Variants in REDIC1 observed in about 807,000 individuals in gnomAD.
The protein encoded by REDIC1 is HEI10 Interacting Protein 1.
chr12:39,709,962 T>C, the REDIC1 span, among the ~76,000 whole-genome samples: 2 of 151,882 alleles, frequency 1.3e-5, no homozygotes, highest in Non-Finnish European at 1.5e-5. Flanking sequence ...ATTCCAGTTT[T>C]TCTACATCCT....
At chr12:39,732,125 C>T in the REDIC1 span, among the ~76,000 whole-genome samples, 2 of 152,194 alleles carry the variant, frequency 1.3e-5, no homozygotes, top group Non-Finnish European at 2.9e-5. Context: ...CCTAGACACT[C>T]AAGTTTAATT....
the REDIC1 span, among the ~76,000 whole-genome samples, chr12:39,811,079 A>AT: frequency 1.3e-5 from 2 of 151,988 alleles, no homozygotes; most frequent in Non-Finnish European, 2.9e-5. Context: ...TACAAATTTG[A>AT]TTTTTTAAAT....
the REDIC1 span, among the ~76,000 whole-genome samples, chr12:39,889,680 C>A: frequency 2.4e-3 from 361 of 151,724 alleles, 2 homozygotes; most frequent in African/African-American, 8.2e-3. Flanking sequence ...CTACAGGTGC[C>A]CACCACCACG....
chr12:39,796,284 A>T, the REDIC1 span, among the ~76,000 whole-genome samples: 13 of 152,072 alleles, frequency 8.5e-5, no homozygotes, highest in Non-Finnish European at 1.8e-4. Context: ...TTACCATTGG[A>T]ATGTGGGCAG....
At chr12:39,787,909 G>C in the REDIC1 span, among the ~76,000 whole-genome samples, 3 of 152,118 alleles carry the variant, frequency 2.0e-5, no homozygotes, top group South Asian at 6.2e-4. Flanking sequence ...TTGATGAAAA[G>C]AGCAGTATTG....
the REDIC1 span, among the ~76,000 whole-genome samples, chr12:39,668,057 C>T: frequency 6.6e-6 from 1 of 151,666 alleles, no homozygotes; most frequent in African/African-American, 2.4e-5. Flanking sequence ...GAGTATTTAG[C>T]CCATTTACAT....
At chr12:39,750,097 G>A in the REDIC1 span, among the ~76,000 whole-genome samples, 1 of 152,150 alleles carries the variant, frequency 6.6e-6, no homozygotes, top group African/African-American at 2.4e-5. Context: ...GAAATAAAGT[G>A]TATTCAATTA....
the REDIC1 span, among the ~76,000 whole-genome samples, chr12:39,726,606 T>C: frequency 6.6e-6 from 1 of 152,190 alleles, no homozygotes; most frequent in Admixed American, 6.5e-5. Flanking sequence ...CTATTGTGAA[T>C]ACTGCTGCAA....
At chr12:39,863,598 C>T in the REDIC1 span, among the ~76,000 whole-genome samples, 1 of 152,130 alleles carries the variant, frequency 6.6e-6, no homozygotes, top group Admixed American at 6.5e-5. Flanking sequence ...ATATGCATTT[C>T]TAGCAATTGA....
At chr12:39,713,128 T>C in the REDIC1 span, among the ~76,000 whole-genome samples, 1 of 150,072 alleles carries the variant, frequency 6.7e-6, no homozygotes, top group Non-Finnish European at 1.5e-5. Flanking sequence ...GATATGTGCA[T>C]ATACGTATAT....
the REDIC1 span, among the ~76,000 whole-genome samples, chr12:39,715,603 G>A: frequency 6.6e-6 from 1 of 151,894 alleles, no homozygotes; most frequent in Non-Finnish European, 1.5e-5. Flanking sequence ...AACCGAAAAA[G>A]AGCCCACATA....
chr12:39,829,614 T>G, the REDIC1 span: 1 of 159,756 alleles, frequency 6.3e-6, no homozygotes, highest in Non-Finnish European at 1.4e-5. Flanking sequence ...GGTTTCACCA[T>G]GTTGGCCAGG....
At chr12:39,700,956 C>A in the REDIC1 span, among the ~76,000 whole-genome samples, 4 of 152,208 alleles carry the variant, frequency 2.6e-5, no homozygotes, top group African/African-American at 2.4e-5. Flanking sequence ...TGGAAAGGAA[C>A]AACCGGTACC....
At chr12:39,684,158 A>T in the REDIC1 span, 1 of 1,020,754 alleles carries the variant, frequency 9.8e-7, no homozygotes, top group Non-Finnish European at 1.2e-6. Context: ...GGTGATTTTT[A>T]CACTCATCCA....
chr12:39,880,824 C>T, the REDIC1 span, among the ~76,000 whole-genome samples: 2 of 152,324 alleles, frequency 1.3e-5, no homozygotes, highest in South Asian at 4.1e-4. Flanking sequence ...AGCCACATCA[C>T]TGACTTTCCT....
chr12:39,688,862 A>T, the REDIC1 span, among the ~76,000 whole-genome samples: 2 of 152,234 alleles, frequency 1.3e-5, no homozygotes, highest in African/African-American at 4.8e-5. Context: ...TTTATTTATG[A>T]TTTGAGTAAA....
At chr12:39,687,003 T>G in the REDIC1 span, among the ~76,000 whole-genome samples, 2 of 152,224 alleles carry the variant, frequency 1.3e-5, no homozygotes, top group African/African-American at 4.8e-5. Context: ...TGACCTTTGC[T>G]ACAGATCCCA....
the REDIC1 span, among the ~76,000 whole-genome samples, chr12:39,659,143 A>G: frequency 5.3e-5 from 8 of 151,996 alleles, no homozygotes; most frequent in East Asian, 7.7e-4. Context: ...ATGTCTTTTG[A>G]CTTGGTGTAG....
chr12:39,753,804 C>T, the REDIC1 span, among the ~76,000 whole-genome samples: 1 of 152,148 alleles, frequency 6.6e-6, no homozygotes, highest in South Asian at 2.1e-4. Flanking sequence ...ACCTTCACTA[C>T]ACACAAGTGA....
Sources: gnomAD v4.1 joint callset for allele counts (sites outside exome capture counted in the v4.1 genomes callset) on GRCh38, gnomAD v4.1.1 for gene constraint, MANE v1.5 for transcripts, NCBI Gene and HGNC (gene_info 2026-07-23, HGNC 2026-07-21) for gene names.